NAALADL2: variants seen among roughly 807,000 people sequenced by gnomAD.
NAALADL2 encodes the protein inactive N-acetylated-alpha-linked acidic dipeptidase-like protein 2.
Under a neutral mutation model 87.2 loss-of-function variants are expected in NAALADL2, and 76 were observed. The ratio of observed to expected loss-of-function variants is 0.87; its 90% CI spans 0.72 to 1.05. The LOEUF is 1.05. NAALADL2 is among the 50% of genes least tolerant of loss of function. The pLI is 0.00. For synonymous variants in NAALADL2, 354 were observed against 331.0 expected, an observed-to-expected ratio of 1.07 and a Z score of -0.75; for missense variants, 1,089 against 945.8, an observed-to-expected ratio of 1.15 and a Z score of -1.99.
intron 11 of NAALADL2, among the ~76,000 whole-genome samples, chr3:175,674,172 A>AT (rs1321786274): frequency 6.6e-6 from 1 of 151,122 alleles, no homozygotes; most frequent in Non-Finnish European, 1.5e-5. Context: ...TCTAGTATTT[A>AT]TTTTTTGTTA....
intron 5 of NAALADL2, chr3:175,397,123 C>G (rs962906519): frequency 6.6e-6 from 1 of 151,996 alleles, no homozygotes; most frequent in Non-Finnish European, 1.5e-5. Flanking sequence ...GAAACAACAA[C>G]AACAACAACA....
At chr3:174,476,742 C>T (rs922447043) in intron 1 of NAALADL2, among the ~76,000 whole-genome samples, 13 of 151,922 alleles carry the variant, frequency 8.6e-5, no homozygotes, top group African/African-American at 1.4e-4. Context: ...CCTACCTACC[C>T]GTCAGTGTCG....
chr3:175,390,131 A>T (rs1768898957), intron 5 of NAALADL2, among the ~76,000 whole-genome samples: 1 of 152,152 alleles, frequency 6.6e-6, no homozygotes, highest in South Asian at 2.1e-4. Flanking sequence ...GTAAAAAAAA[A>T]ATAGAACTTT....
chr3:174,792,124 G>A (rs1321157299), intron 3 of NAALADL2, among the ~76,000 whole-genome samples: 2 of 152,168 alleles, frequency 1.3e-5, no homozygotes, highest in East Asian at 3.9e-4. Context: ...AGGAAGCTGA[G>A]GTGGGAGAAT....
At chr3:175,299,008 C>T (rs1269987152) in intron 4 of NAALADL2, among the ~76,000 whole-genome samples, 1 of 152,090 alleles carries the variant, frequency 6.6e-6, no homozygotes, top group Admixed American at 6.6e-5. Flanking sequence ...AAAGTAATGA[C>T]ACCAGTGTAA....
intron 4 of NAALADL2, among the ~76,000 whole-genome samples, chr3:175,295,300 A>G (rs1476194072): frequency 1.3e-5 from 2 of 152,090 alleles, no homozygotes; most frequent in Non-Finnish European, 2.9e-5. Flanking sequence ...TTATAGTTCA[A>G]CCCACTGAGT....
chr3:174,741,416 A>G (rs1358775085), intron 3 of NAALADL2, among the ~76,000 whole-genome samples: 2 of 151,656 alleles, frequency 1.3e-5, no homozygotes, highest in Non-Finnish European at 3.0e-5. Context: ...AAAAGCATAC[A>G]ACTTAATTAG....
chr3:174,669,581 TTC>T (rs1726325169), intron 2 of NAALADL2, among the ~76,000 whole-genome samples: 3 of 152,132 alleles, frequency 2.0e-5, no homozygotes, highest in Admixed American at 1.3e-4. Flanking sequence ...AGGTTCTTTA[TTC>T]TGTTTCATTG....
At chr3:174,678,823 A>C (rs1727274403) in intron 2 of NAALADL2, among the ~76,000 whole-genome samples, 1 of 152,196 alleles carries the variant, frequency 6.6e-6, no homozygotes, top group South Asian at 2.1e-4. Context: ...CATGTATTCT[A>C]AGTTGACAGT....
intron 5 of NAALADL2, among the ~76,000 whole-genome samples, chr3:175,438,399 A>G (rs1719107580): frequency 6.6e-6 from 1 of 152,148 alleles, no homozygotes; most frequent in Non-Finnish European, 1.5e-5. Flanking sequence ...TAAAATAAAA[A>G]TGAAAAAACA....
intron 9 of NAALADL2, among the ~76,000 whole-genome samples, chr3:175,515,409 G>A (rs912043531): frequency 6.6e-6 from 1 of 152,080 alleles, no homozygotes; most frequent in African/African-American, 2.4e-5. Flanking sequence ...GCAATTTAGA[G>A]GCTGATGTTT....
chr3:175,558,412 T>C (rs75249122), intron 9 of NAALADL2, among the ~76,000 whole-genome samples: 1 of 152,144 alleles, frequency 6.6e-6, no homozygotes, highest in Admixed American at 6.5e-5. Context: ...CTTTGCTGTG[T>C]AGAAGCTTGT....
chr3:174,543,173 G>C (rs1246961357), intron 1 of NAALADL2, among the ~76,000 whole-genome samples: 3 of 152,136 alleles, frequency 2.0e-5, no homozygotes, highest in African/African-American at 4.8e-5. Flanking sequence ...CTAGGCGATG[G>C]ACTGTTGCAA....
At chr3:175,384,785 T>G (rs545260585) in intron 5 of NAALADL2, among the ~76,000 whole-genome samples, 2 of 150,286 alleles carry the variant, frequency 1.3e-5, no homozygotes, top group Admixed American at 1.4e-4. Flanking sequence ...TTATTTTACT[T>G]AATTTATTTT....
Position 174,979,431 on chromosome 3 carries a change from A to G in NAALADL2, c.44-117359A>G, listed in dbSNP as rs766869204. Among the ~76,000 whole-genome samples, 3 of 147,568 alleles carry G rather than the reference A, an allele frequency of 2.0e-5. No individual in the cohort carries two copies. The Admixed American group carries it at 2.1e-4, about 10-fold the overall frequency. On this transcript the variant is annotated intron_variant, in intron 1 of 13. Coordinates refer to ENST00000454872, the MANE Select transcript of NAALADL2 (RefSeq NM_207015.3). ...CGCCATTCTCCTGCCTCAGTCTCCC[A>G]AGTAGCTGGGACTACAGGCTCCTGC...
At chr3:175,246,443 G>T (rs1436401792) in intron 3 of NAALADL2, among the ~76,000 whole-genome samples, 1 of 152,152 alleles carries the variant, frequency 6.6e-6, no homozygotes, top group Admixed American at 6.6e-5. Flanking sequence ...GAACGAGAAA[G>T]GCTCAGAATG....
intron 2 of NAALADL2, among the ~76,000 whole-genome samples, chr3:174,627,586 T>C (rs1175149081): frequency 3.3e-5 from 5 of 152,350 alleles, no homozygotes; most frequent in African/African-American, 4.8e-5. Flanking sequence ...CTACTGCATG[T>C]TGTGTTTTAT....
chr3:175,802,946 G>C, intron 13 of NAALADL2, 59 bp from the exon 14 acceptor site: 1 of 1,095,284 alleles, frequency 9.1e-7, no homozygotes, highest in East Asian at 2.5e-5. Flanking sequence ...TCATTCCAAC[G>C]TTTGATAGAA....
intron 6 of NAALADL2, among the ~76,000 whole-genome samples, chr3:175,453,492 CA>C (rs1252136900): frequency 6.6e-6 from 1 of 152,146 alleles, no homozygotes; most frequent in Non-Finnish European, 1.5e-5. Flanking sequence ...TATTCTCCAC[CA>C]AAAGCTCTTT....
Sources: allele counts gnomAD v4.1 joint callset (sites outside exome capture counted in the v4.1 genomes callset), GRCh38; gene constraint gnomAD v4.1.1; transcripts MANE v1.5; gene names NCBI Gene and HGNC (gene_info 2026-07-23, HGNC 2026-07-21).